Variants in LMOD1 observed in about 807,000 individuals in gnomAD.
LMOD1 encodes leiomodin 1, also known as leiomodin-1.
Under a neutral mutation model 36.5 loss-of-function variants are expected in LMOD1, and 8 were observed. The ratio of observed to expected loss-of-function variants is 0.22; its 90% CI spans 0.13 to 0.40. The LOEUF (loss-of-function observed/expected upper bound fraction) is 0.40, where lower values mean the gene tolerates loss of function less well. LMOD1 is among the 10% of genes least tolerant of loss of function. The probability of loss-of-function intolerance (pLI) is 1.00; values close to 1 mark genes in which losing one functional copy is unlikely to be tolerated. For synonymous variants in LMOD1, 284 were observed against 288.7 expected (o/e 0.98, Z 0.17); for missense variants, 630 against 751.1 (o/e 0.84, Z 1.88).
intron 1 of LMOD1, among the ~76,000 whole-genome samples, chr1:201,901,511 A>AAAAAAATATAT (rs1242266721): frequency 1.3e-5 from 1 of 75,228 alleles, no homozygotes; most frequent in African/African-American, 7.3e-5. Context: ...TCAAAAAAAA[A>AAAAAAATATAT]ATATATATAT....
chr1:201,940,486 A>G (rs954257772), intron 1 of LMOD1, among the ~76,000 whole-genome samples: 10 of 151,982 alleles, frequency 6.6e-5, no homozygotes, highest in African/African-American at 2.4e-4. Flanking sequence ...CACCCGGCCT[A>G]ACCAAGCTCT....
rs34800729 is a variant in LMOD1 at position 201,901,690 on chromosome 1, G to GTATA, written c.262-943_262-940dup. On this transcript the variant is annotated intron_variant, in intron 1 of 2. Coordinates refer to ENST00000367288, the MANE Select transcript of LMOD1 (RefSeq NM_012134.3). ...TATATATATACACATATATATATGT[G>GTATA]TATATATATATATATGTGAAAACAT... 5.2e-3 allele frequency among the ~76,000 whole-genome samples: 513 copies of GTATA among 99,578 alleles called. 16 individuals are homozygous for GTATA. The highest frequency in any genetic ancestry group is 0.011 in the African/African-American group (264 of 23,862). The allele number at this position is 99,578 out of a possible 152,430, so 65.3% of individuals were successfully genotyped here. A position where few individuals can be genotyped will look rare whatever the true frequency, so the allele number is the denominator to read the frequency against.
intron 1 of LMOD1, among the ~76,000 whole-genome samples, chr1:201,922,725 AT>A (rs1286292641): frequency 2.7e-5 from 4 of 149,546 alleles, no homozygotes; most frequent in African/African-American, 9.8e-5. Context: ...ATATTGTTAT[AT>A]ATAATATAAT....
At position 201,899,418 on chromosome 1, in the gene LMOD1, G is replaced by A. The variant is rs1681251609; in HGVS notation, c.1595C>T (p.Ala532Val). ...GGGAGGGGGAGGGGGTGGTGGGGCA[G>A]CTGGAGCACCCCCTTTTTTGGGTGA... Reference protein sequence around the residue: ...KNSPKKGGAPAAPPPPPPPLA... With the variant: ...KNSPKKGGAPVAPPPPPPPLA... The change falls in exon 2 of 3, where the codon GCT becomes GTT. Residue 532 changes from alanine to valine, a missense_variant. Physicochemically the swap from Ala to Val is moderately conservative, Grantham distance 64. Around this residue, in one of 3 missense-constraint regions of LMOD1, gnomAD observed 144 missense variants for 169.8 expected, o/e 0.85. Transcript: ENST00000367288. The surrounding 1 kb of genome is among the most constrained non-coding windows in gnomAD (Gnocchi z 6.3). 6.2e-7 allele frequency: 1 copy of A among 1,613,538 alleles called. No homozygotes were observed. Among genetic ancestry groups the A allele is most frequent in the African/African-American group, 1.3e-5 (1 of 74,914 alleles).
In LMOD1 at chr1:201,946,112, T is replaced by G; in HGVS notation, c.229A>C (p.Lys77Gln). The change falls in exon 1 of 3, where the codon AAG becomes CAG. Residue 77 changes from lysine (K) to glutamine (Q), a missense_variant. Coordinates refer to ENST00000367288, the MANE Select transcript of LMOD1 (RefSeq NM_012134.3). ...GACATCTCCCTCTGCATAAGTTTCT[T>G]GGTCTCCTTTTCACAGAAGTTGAGC... ...AMLNFCEKET[K>Q]KLMQREMSMD... The G allele has an allele frequency of 6.2e-7, 1 of 1,613,950 alleles. No individual in the cohort carries two copies. Among genetic ancestry groups the G allele is most frequent in the South Asian group, 1.1e-5 (1 of 91,070 alleles).
rs1472149440 is a variant in LMOD1, at chr1:201,900,296, C to T, written c.717G>A (p.Met239Ile). 7 of 1,607,416 alleles carry T rather than the reference C, an allele frequency of 4.4e-6. No homozygotes were observed. The East Asian group carries it at 1.6e-4, about 36-fold the overall frequency. The change falls in exon 2 of 3, where the codon ATG becomes ATA. Residue 239 changes from methionine to isoleucine, a missense_variant. Transcript: ENST00000367288. ...TGTCTGTGTTCCCACCTGCTCTTTT[C>T]ATCTTCTCACCCTCTTTTCTGGTGT... ...NTDTRKEGEK[M>I]KRAGGNTDMK...
intron 1 of LMOD1, among the ~76,000 whole-genome samples, chr1:201,938,429 G>A (rs1014043328): frequency 3.9e-5 from 6 of 152,094 alleles, no homozygotes; most frequent in African/African-American, 9.7e-5. Context: ...GCGCCCGGCC[G>A]TAATTTCCAT....
chr1:201,913,594 C>A (rs528782818), intron 1 of LMOD1, among the ~76,000 whole-genome samples: 36 of 152,224 alleles, frequency 2.4e-4, no homozygotes, highest in Admixed American at 2.4e-3. Context: ...GCGACAGAGC[C>A]AGACTCTGTC....
intron 1 of LMOD1, among the ~76,000 whole-genome samples, chr1:201,911,074 G>A (rs1179397383): frequency 6.6e-6 from 1 of 152,112 alleles, no homozygotes; most frequent in Non-Finnish European, 1.5e-5. Flanking sequence ...CCTGCCAGGA[G>A]CTCCCTGCAA....
rs1558234705 is a variant in LMOD1 at position 201,901,567 on chromosome 1, TATATATATATATATATAC to T, written c.262-834_262-817del. On this transcript the variant is annotated intron_variant, in intron 1 of 2. Coordinates refer to ENST00000367288, the MANE Select transcript of LMOD1 (RefSeq NM_012134.3). ...ATATATATATACATATATATATGTA[TATATATATATATATATAC>T]ATATATATATGTATATATATATATA... Among the ~76,000 whole-genome samples, 22 of 10,280 alleles carry T rather than the reference TATATATATATATATATAC, an allele frequency of 2.1e-3. 3 individuals carry two copies. Among genetic ancestry groups the T allele is most frequent in the African/African-American group, 0.01 (20 of 1,998 alleles). 6.7% of individuals were successfully genotyped at this position (10,280 alleles called of 152,430 possible). A position where few individuals can be genotyped will look rare whatever the true frequency, so the allele number is the denominator to read the frequency against.
At position 201,946,116 on chromosome 1, in the gene LMOD1, C is replaced by T. The variant is rs760261968; in HGVS notation, c.225G>A (p.Glu75=). ...REAMLNFCEK[E]TKKLMQREMS... ...TCTCCCTCTGCATAAGTTTCTTGGT[C>T]TCCTTTTCACAGAAGTTGAGCATGG... is the stretch of plus-strand genomic sequence containing the variant. Residue 75 remains glutamate, a synonymous_variant, in exon 1 of 3, where the codon GAG becomes GAA. Transcript: ENST00000367288. 2 of 1,613,856 alleles carry T rather than the reference C, an allele frequency of 1.2e-6. No individual in the cohort carries two copies. Among genetic ancestry groups the T allele is most frequent in the African/African-American group, 1.3e-5 (1 of 74,922 alleles).
At chr1:201,901,552 ACATATATATATG>A (rs1300009790) in intron 1 of LMOD1, among the ~76,000 whole-genome samples, 9 of 46,742 alleles carry the variant, frequency 1.9e-4, no homozygotes, top group South Asian at 8.5e-4. Context: ...ATATATATAT[ACATATATATATG>A]TATATATATA....
intron 1 of LMOD1, among the ~76,000 whole-genome samples, chr1:201,914,682 C>T (rs895364924): frequency 2.6e-5 from 4 of 152,070 alleles, no homozygotes; most frequent in Non-Finnish European, 5.9e-5. Flanking sequence ...CAACTTCCTG[C>T]CACCTCTTCT....
chr1:201,929,460 G>C (rs1224560959), intron 1 of LMOD1, among the ~76,000 whole-genome samples: 1 of 152,174 alleles, frequency 6.6e-6, no homozygotes, highest in Non-Finnish European at 1.5e-5. Context: ...TGAAGAAAAA[G>C]TGGAACAAGT....
chr1:201,901,292 G>T (rs369381103), intron 1 of LMOD1, among the ~76,000 whole-genome samples: 48 of 151,542 alleles, frequency 3.2e-4, no homozygotes, highest in Middle Eastern at 3.4e-3. Context: ...ATCACCTGAG[G>T]TCGGGAGTTT....
chr1:201,928,507 G>A (rs1183112418), intron 1 of LMOD1, among the ~76,000 whole-genome samples: 1 of 152,270 alleles, frequency 6.6e-6, no homozygotes, highest in South Asian at 2.1e-4. Flanking sequence ...GGCTCTGTGA[G>A]TGCTGTGAAG....
intron 1 of LMOD1, among the ~76,000 whole-genome samples, chr1:201,941,666 C>T (rs1294261883): frequency 6.6e-6 from 1 of 152,246 alleles, no homozygotes; most frequent in Non-Finnish European, 1.5e-5. Context: ...GGACACTGAG[C>T]TGTGAACTAG....
intron 1 of LMOD1, among the ~76,000 whole-genome samples, chr1:201,934,775 T>G (rs1475348074): frequency 6.6e-6 from 1 of 152,216 alleles, no homozygotes; most frequent in Non-Finnish European, 1.5e-5. Context: ...CTCACCTTAT[T>G]AAACCTCTCA....
chr1:201,898,805 C>T (rs1035574483), intron 2 of LMOD1, among the ~76,000 whole-genome samples: 1 of 152,172 alleles, frequency 6.6e-6, no homozygotes, highest in African/African-American at 2.4e-5. Flanking sequence ...TCCCAGAGAC[C>T]TTTCGGATGG....
Sources: gnomAD v4.1 joint callset for allele counts (sites outside exome capture counted in the v4.1 genomes callset) on GRCh38, gnomAD v4.1.1 for gene constraint, gnomAD v4.1.1 regional missense constraint, Gnocchi (gnomAD v3.1) non-coding constraint, MANE v1.5 for transcripts, NCBI Gene and HGNC (gene_info 2026-07-23, HGNC 2026-07-21) for gene names.